Variants in GLIS1 observed in about 807,000 individuals in gnomAD.
The protein encoded by GLIS1 is GLIS family zinc finger 1, also known as zinc finger protein GLIS1.
In GLIS1, 24 loss-of-function variants were observed where a neutral mutation model predicts 63.8. The ratio of observed to expected loss-of-function variants is 0.38; its 90% CI spans 0.27 to 0.53. The LOEUF is 0.53. Among genes scored for constraint, GLIS1 ranks in the 20% least tolerant of loss-of-function variants. The probability of loss-of-function intolerance (pLI) is 0.85; values close to 1 mark genes in which losing one functional copy is unlikely to be tolerated. For synonymous variants in GLIS1, 450 were observed against 482.5 expected (o/e 0.93, Z 0.88); for missense variants, 1,036 against 1,074.1 (o/e 0.96, Z 0.50).
chr1:53,700,436 G>T (rs1646511556), intron 2 of GLIS1, among the ~76,000 whole-genome samples: 1 of 152,156 alleles, frequency 6.6e-6, no homozygotes, highest in Non-Finnish European at 1.5e-5. Context: ...ATACATCTCG[G>T]CCCAAGACAG....
chr1:53,558,931 G>A (rs946693486), intron 4 of GLIS1, among the ~76,000 whole-genome samples: 1 of 152,172 alleles, frequency 6.6e-6, no homozygotes, highest in African/African-American at 2.4e-5. Flanking sequence ...CTGTGATCGT[G>A]GTGCTCTAGA....
At chr1:53,537,511 G>C (rs1557438128) in intron 4 of GLIS1, among the ~76,000 whole-genome samples, 1 of 152,326 alleles carries the variant, frequency 6.6e-6, no homozygotes, top group East Asian at 1.9e-4. Context: ...CCACCACCGG[G>C]AGCCTGAACC....
chr1:53,702,003 A>G (rs576633351), intron 2 of GLIS1, among the ~76,000 whole-genome samples: 1 of 147,704 alleles, frequency 6.8e-6, no homozygotes, highest in Admixed American at 6.6e-5. Flanking sequence ...AAAAAGAAAA[A>G]AAAAAAAAAA....
intron 2 of GLIS1, among the ~76,000 whole-genome samples, chr1:53,730,592 CA>C (rs1475979409): frequency 1.3e-5 from 2 of 152,178 alleles, no homozygotes; most frequent in African/African-American, 4.8e-5. Flanking sequence ...TAAAAAGACA[CA>C]AATAGGAACA....
At chr1:53,545,683 T>C (rs1644691109) in intron 4 of GLIS1, among the ~76,000 whole-genome samples, 1 of 152,230 alleles carries the variant, frequency 6.6e-6, no homozygotes, top group African/African-American at 2.4e-5. Flanking sequence ...TACTTTCTAC[T>C]TCTTTACATA....
At chr1:53,537,937 C>T (rs1485498810) in intron 4 of GLIS1, among the ~76,000 whole-genome samples, 1 of 152,250 alleles carries the variant, frequency 6.6e-6, no homozygotes, top group Non-Finnish European at 1.5e-5. Context: ...AGTTACTTTA[C>T]AACAATGATG....
chr1:53,609,505 A>G (rs1645405231), intron 2 of GLIS1, among the ~76,000 whole-genome samples: 1 of 152,040 alleles, frequency 6.6e-6, no homozygotes, highest in African/African-American at 2.4e-5. Flanking sequence ...TCCTGACCTC[A>G]TGATCCACCT....
chr1:53,535,298 C>T (rs1644571308), intron 4 of GLIS1, among the ~76,000 whole-genome samples: 1 of 152,090 alleles, frequency 6.6e-6, no homozygotes, highest in Non-Finnish European at 1.5e-5. Context: ...CTTCTGCTGG[C>T]TGGACCACCC....
At position 53,506,586 on chromosome 1, in the gene GLIS1, G is replaced by C; in HGVS notation, c.*33C>G. ...GCAGGTGGGCGAGGTGGCATCTGCA[G>C]TGCTGGATGGGCAGGCGCATGTGGG... On this transcript the variant is annotated 3_prime_UTR_variant, in exon 11 of 11. Transcript: ENST00000628545. 1.9e-6 allele frequency: 3 copies of C among 1,609,806 alleles called. No homozygotes were observed. Among genetic ancestry groups the C allele is most frequent in the African/African-American group, 2.7e-5 (2 of 75,040 alleles).
chr1:53,535,909 C>G (rs1451831065), intron 4 of GLIS1, among the ~76,000 whole-genome samples: 1 of 152,088 alleles, frequency 6.6e-6, no homozygotes, highest in Non-Finnish European at 1.5e-5. Flanking sequence ...TTGGTGCTGG[C>G]TTGGTGGCAT....
At chr1:53,607,067 C>T (rs933177753) in intron 2 of GLIS1, among the ~76,000 whole-genome samples, 2 of 152,210 alleles carry the variant, frequency 1.3e-5, no homozygotes, top group African/African-American at 2.4e-5. Flanking sequence ...TTCCCTCAGA[C>T]TCTCTTACTG....
Position 53,592,398 on chromosome 1 carries a change from C to T in GLIS1, c.1320+1710G>A, listed in dbSNP as rs146515790. The stretch of plus-strand genomic sequence containing the variant: ...CTGTGGAGTCTTGTCAAGGTTCCTT[C>T]GGGTCACAGAGCCTCCACCTCGGCC... On this transcript the variant is annotated intron_variant, in intron 4 of 10. Transcript: ENST00000628545. Among the ~76,000 whole-genome samples the T allele has an allele frequency of 3.7e-3, 561 of 152,298 alleles. 4 individuals carry two copies. The highest frequency in any genetic ancestry group is 0.013 in the African/African-American group (523 of 41,542).
rs200512169 is a variant in GLIS1, at chr1:53,594,430, C to T, written c.998G>A (p.Gly333Glu). The T allele has an allele frequency of 3.7e-6, 6 of 1,612,882 alleles. No homozygotes were observed. Among genetic ancestry groups the T allele is most frequent in the Non-Finnish European group, 4.2e-6 (5 of 1,179,986 alleles). The change falls in exon 4 of 11, where the codon GGG (glycine) becomes GAG (glutamate). Residue 333 changes from glycine to glutamate, a missense_variant. By Grantham distance (98) the Gly-to-Glu change is moderately conservative. Around this residue, in one of 3 missense-constraint regions of GLIS1, gnomAD observed 592 missense variants for 593.9 expected, o/e 1.00. Transcript: ENST00000628545. ...GGGCGGCAGGCCCTGCTGGTGAGGCCCAAAGAGCTCTGAAAACTCATCCGC... is the reference window on the plus strand; with the variant it reads ...GGGCGGCAGGCCCTGCTGGTGAGGCTCAAAGAGCTCTGAAAACTCATCCGC... ...EPADEFSELFGPHQQGLPPPY... is the reference protein window; with the variant it reads ...EPADEFSELFEPHQQGLPPPY...
intron 3 of GLIS1, among the ~76,000 whole-genome samples, chr1:53,596,798 G>A (rs1463703244): frequency 6.6e-6 from 1 of 152,138 alleles, no homozygotes; most frequent in Non-Finnish European, 1.5e-5. Context: ...TGCTGAGATG[G>A]GGATAATCAG....
chr1:53,709,423 C>CATATATAT (rs1646622345), intron 2 of GLIS1, among the ~76,000 whole-genome samples: 1 of 28,102 alleles, frequency 3.6e-5, no homozygotes, highest in African/African-American at 7.2e-5. Flanking sequence ...CACACACACA[C>CATATATAT]ACACACACAC....
At chr1:53,538,890 G>A (rs889020405) in intron 4 of GLIS1, among the ~76,000 whole-genome samples, 5 of 152,100 alleles carry the variant, frequency 3.3e-5, no homozygotes, top group Admixed American at 6.5e-5. Context: ...AAAGGTGGCC[G>A]GCCAGCAAGG....
chr1:53,571,653 T>C (rs1423360486), intron 4 of GLIS1, among the ~76,000 whole-genome samples: 1 of 152,132 alleles, frequency 6.6e-6, no homozygotes, highest in East Asian at 1.9e-4. Flanking sequence ...CTGGGCTCGC[T>C]GCAAGCTCCA....
chr1:53,650,470 G>A (rs1557502346), intron 2 of GLIS1, among the ~76,000 whole-genome samples: 1 of 151,694 alleles, frequency 6.6e-6, no homozygotes, highest in Non-Finnish European at 1.5e-5. Flanking sequence ...CACGCCTCTA[G>A]TCTCAGCTAC....
intron 2 of GLIS1, among the ~76,000 whole-genome samples, chr1:53,626,155 C>G (rs1645591982): frequency 6.6e-6 from 1 of 152,210 alleles, no homozygotes; most frequent in Non-Finnish European, 1.5e-5. Flanking sequence ...GCTTCCTCTG[C>G]TACAAGCCCA....
Sources: gnomAD v4.1 joint callset for allele counts (sites outside exome capture counted in the v4.1 genomes callset) on GRCh38, gnomAD v4.1.1 for gene constraint, gnomAD v4.1.1 regional missense constraint, MANE v1.5 for transcripts, NCBI Gene and HGNC (gene_info 2026-07-23, HGNC 2026-07-21) for gene names.